The following APOB variants were observed in gnomAD, a reference collection of about 807,000 sequenced individuals.
APOB encodes the protein apolipoprotein B-100.
APOB carries 153 observed loss-of-function variants against 314.1 expected under a neutral mutation model. The ratio of observed to expected loss-of-function variants is 0.49; its 90% CI spans 0.43 to 0.56. APOB has a LOEUF of 0.56. Ranked by LOEUF, APOB falls within the 20% of genes least tolerant of loss-of-function variation. The pLI, the probability that APOB is intolerant of heterozygous loss-of-function variation, is 0.00. For missense variants in APOB, 5,430 were observed against 5,350.7 expected (o/e 1.01, Z -0.46); for synonymous variants, 2,087 against 2,036.4 (o/e 1.02, Z -0.67).
In APOB at chr2:21,006,921, G is replaced by C. The variant is rs1663160141; in HGVS notation, c.9947C>G (p.Ser3316Cys). 1 of 1,614,084 alleles carries C rather than the reference G, an allele frequency of 6.2e-7. No individual in the cohort carries two copies. Residue 3316 changes from serine to cysteine, a missense_variant, in exon 26 of 29, where the codon TCT becomes TGT. By Grantham distance (112) the Ser-to-Cys change is moderately radical. Coordinates refer to ENST00000233242, the MANE Select transcript of APOB (RefSeq NM_000384.3). ...VLHVPRNLKLSLPDFKELCTI... is the reference protein window; with the variant it reads ...VLHVPRNLKLCLPDFKELCTI... The stretch of plus-strand genomic sequence containing the variant: ...ACACAATTCCTTGAAATCTGGAAGA[G>C]AAAGCTTGAGATTTCTAGGGACATG...
At position 21,002,881 on chromosome 2, in the gene APOB, C is replaced by T. The variant is rs1042031; in HGVS notation, c.12541G>A (p.Glu4181Lys). The T allele has an allele frequency of 0.17, 271,570 of 1,612,886 alleles. 23,921 individuals are homozygous for T. Among genetic ancestry groups the T allele is most frequent in the Non-Finnish European group, 0.18 (212,961 of 1,179,568 alleles). The change falls in exon 29 of 29, where the codon GAA (glutamate) becomes AAA (lysine). Residue 4181 changes from glutamate to lysine, a missense_variant. Around this residue, in one of 3 missense-constraint regions of APOB, gnomAD observed 3,281 missense variants for 3,171.0 expected, o/e 1.03. Transcript: ENST00000233242. ...VFDGLVRVTQ[E>K]FHMKVKHLID... ...AGATGCTTGACTTTCATATGGAATT[C>T]TTGAGTAACTCGTACCAAGCCATCA...
In APOB at chr2:21,044,004, G is replaced by A; in HGVS notation, c.-59C>T. On this transcript the variant is annotated 5_prime_UTR_variant, in exon 1 of 29. Transcript: ENST00000233242. ...GCCTGGCCTCGGCCTCGCGGCCCTG[G>A]CTGGCTGGGCGGGCTCCTCAGCGGC... 1 of 929,682 alleles carries A rather than the reference G, an allele frequency of 1.1e-6. No homozygotes were observed. The highest frequency in any genetic ancestry group is 1.4e-6 in the Non-Finnish European group (1 of 719,260). 57.6% of individuals were successfully genotyped at this position (929,682 alleles called of 1,614,324 possible). A position where few individuals can be genotyped will look rare whatever the true frequency, so the allele number is the denominator to read the frequency against.
At chr2:21,023,771 T>G in intron 16 of APOB, 79 bp from the exon 17 acceptor site, 3 of 1,188,064 alleles carry the variant, frequency 2.5e-6, no homozygotes, top group Non-Finnish European at 3.5e-6. Flanking sequence ...TCCCATACAT[T>G]GGAGAGTAAT....
At chr2:21,042,839 G>T (rs1253215007) in intron 2 of APOB, among the ~76,000 whole-genome samples, 1 of 151,674 alleles carries the variant, frequency 6.6e-6, no homozygotes, top group East Asian at 1.9e-4. Context: ...GCTTGAACAC[G>T]CCGTAATTCC....
chr2:21,005,858 C>A lies in APOB; in HGVS notation c.11010G>T (p.Arg3670Ser), dbSNP rs148127628. Residue 3670 changes from arginine to serine, a missense_variant, in exon 26 of 29, where the codon AGG becomes AGT. Physicochemically the swap from Arg to Ser is moderately radical, Grantham distance 110. Transcript: ENST00000233242. The part of the protein sequence containing the change: ...DIAGSLEGHL[R>S]FLKNIILPVY... Reference sequence around the variant, plus strand: ...CTGGTAGGATGATATTTTTGAGGAACCTTAGGTGTCCTTCTAAGGATCCTG... The same window carrying A: ...CTGGTAGGATGATATTTTTGAGGAAACTTAGGTGTCCTTCTAAGGATCCTG... 81 of 1,613,828 alleles carry A rather than the reference C, an allele frequency of 5.0e-5. No individual in the cohort carries two copies. Among genetic ancestry groups the A allele is most frequent in the South Asian group, 4.4e-4 (40 of 91,082 alleles).
intron 3 of APOB, among the ~76,000 whole-genome samples, chr2:21,042,047 G>T (rs761481508): frequency 5.3e-5 from 8 of 152,162 alleles, no homozygotes; most frequent in African/African-American, 9.7e-5. Context: ...CACCTACTGG[G>T]CCTCTCTCAC....
intron 4 of APOB, 103 bp from the exon 5 acceptor site, chr2:21,038,214 C>T (rs1664052464): frequency 1.6e-6 from 2 of 1,250,512 alleles, no homozygotes; most frequent in African/African-American, 1.5e-5. Flanking sequence ...TTTTTTTAAC[C>T]AATTGTTCTT....
Position 21,009,682 on chromosome 2 carries a change from A to T in APOB, c.7186T>A (p.Phe2396Ile). The change falls in exon 26 of 29, where the codon TTT (phenylalanine) becomes ATT (isoleucine). Residue 2396 changes from phenylalanine to isoleucine, a missense_variant. Physicochemically the swap from Phe to Ile is conservative, Grantham distance 21. Around this residue, in one of 3 missense-constraint regions of APOB, gnomAD observed 3,281 missense variants for 3,171.0 expected, o/e 1.03. Transcript: ENST00000233242. Reference sequence around the variant, plus strand: ...AGCTTCTTGACAGCATCATCAATAAATCCAACCAATTTCTCAAAGTAATCT... The same window carrying T: ...AGCTTCTTGACAGCATCATCAATAATTCCAACCAATTTCTCAAAGTAATCT... ...IKDYFEKLVG[F>I]IDDAVKKLNE... 6.2e-7 allele frequency: 1 copy of T among 1,613,336 alleles called. No individual in the cohort carries two copies. The highest frequency in any genetic ancestry group is 8.5e-7 in the Non-Finnish European group (1 of 1,179,574).
Position 21,003,161 on chromosome 2 carries a change from C to A in APOB, c.12261G>T (p.Lys4087Asn), listed in dbSNP as rs760815617. ...ATGVLYDYVN[K>N]YHWEHTGLTL... ...TGAGCCCTGTGTGTTCCCAGTGGTA[C>A]TTGTTGACATAATCATAAAGGACCC... is the stretch of plus-strand genomic sequence containing the variant. The change falls in exon 29 of 29, where the codon AAG (lysine) becomes AAT (asparagine). Residue 4087 changes from lysine (K) to asparagine (N), a missense_variant. Transcript: ENST00000233242. 6.2e-7 allele frequency: 1 copy of A among 1,613,920 alleles called. No homozygotes were observed. Among genetic ancestry groups the A allele is most frequent in the East Asian group, 2.2e-5 (1 of 44,862 alleles).
At position 21,005,460 on chromosome 2, in the gene APOB, G is replaced by C. The variant is rs1190011070; in HGVS notation, c.11408C>G (p.Pro3803Arg). The change falls in exon 26 of 29, where the codon CCA becomes CGA. Residue 3803 changes from proline (P) to arginine (R), a missense_variant. Physicochemically the swap from Pro to Arg is moderately radical, Grantham distance 103 (BLOSUM62 -2). This residue lies in a region of APOB where 3,281 missense variants were observed against 3,171.0 expected (regional missense o/e 1.03). Coordinates refer to ENST00000233242, the MANE Select transcript of APOB (RefSeq NM_000384.3). ...EVDVLTKYSQ[P>R]EDSLIPFFEI... ...AAAAAAGGGAATCAAGGAGTCTTCT[G>C]GTTGAGAATATTTTGTTAACACATC... is the stretch of plus-strand genomic sequence containing the variant. 2 of 1,613,932 alleles carry C rather than the reference G, an allele frequency of 1.2e-6. No homozygotes were observed. The highest frequency in any genetic ancestry group is 2.7e-5 in the African/African-American group (2 of 74,888).
At chr2:21,035,763 A>AAGCATTT in intron 6 of APOB, 55 bp from the exon 7 acceptor site, 1 of 1,594,004 alleles carries the variant, frequency 6.3e-7, no homozygotes, top group South Asian at 1.1e-5. Flanking sequence ...CTTCTGTTAA[A>AAGCATTT]AGCATTTACC....
chr2:21,029,231 C>T lies in APOB; in HGVS notation c.1617+408G>A, dbSNP rs548067874. Among the ~76,000 whole-genome samples the T allele has an allele frequency of 3.9e-3, 594 of 152,326 alleles. 3 individuals are homozygous for T. Among genetic ancestry groups the T allele is most frequent in the Non-Finnish European group, 5.4e-3 (369 of 68,038 alleles). ...TTGCAAGGCTGAGGCAGGCGGATCA[C>T]CTGAGGTCAGGAGCTCAAGACCAGC... On this transcript the variant is annotated intron_variant, in intron 12 of 28. Transcript: ENST00000233242.
At chr2:21,034,624 C>T (rs1293541392) in intron 8 of APOB, among the ~76,000 whole-genome samples, 192 bp downstream of exon 8, 1 of 152,202 alleles carries the variant, frequency 6.6e-6, no homozygotes, top group Non-Finnish European at 1.5e-5. Flanking sequence ...GCTTTGGGAA[C>T]TTCTTTTCCT....
At chr2:21,042,565 A>G in intron 2 of APOB, 89 bp from the exon 3 acceptor site, 7 of 907,856 alleles carry the variant, frequency 7.7e-6, no homozygotes, top group Non-Finnish European at 1.3e-5. Context: ...AGTGGCATAG[A>G]GAATTAAAAA....
At position 21,008,982 on chromosome 2, in the gene APOB, A is replaced by G. The variant is rs776908968; in HGVS notation, c.7886T>C (p.Val2629Ala). ...TTTTAAGTCTTTGAAGTTTATCTGA[A>G]CTGATGGAATCCTCAAATCTGTTAG... ...VPLTDLRIPS[V>A]QINFKDLKNI... The change falls in exon 26 of 29, where the codon GTT (valine) becomes GCT (alanine). Residue 2629 changes from valine to alanine, a missense_variant. Val to Ala is a moderately conservative substitution (Grantham distance 64). Around this residue, in one of 3 missense-constraint regions of APOB, gnomAD observed 3,281 missense variants for 3,171.0 expected, o/e 1.03. Coordinates refer to ENST00000233242, the MANE Select transcript of APOB (RefSeq NM_000384.3). The G allele has an allele frequency of 3.1e-6, 5 of 1,613,888 alleles. No individual in the cohort carries two copies. Among genetic ancestry groups the G allele is most frequent in the Non-Finnish European group, 4.2e-6 (5 of 1,179,948 alleles).
rs1663278293 is a variant in APOB, at chr2:21,010,517, T to G, written c.6351A>C (p.Lys2117Asn). ...FVRKYRAALG[K>N]LPQQANDYLN... ...GATAATCATTAGCTTGCTGTGGGAG[T>G]TTTCCCAGGGCTGCTCTGTATTTTC... Residue 2117 changes from lysine (K) to asparagine (N), a missense_variant, in exon 26 of 29, where the codon AAA becomes AAC. This residue lies in a region of APOB where 3,281 missense variants were observed against 3,171.0 expected (regional missense o/e 1.03). Transcript: ENST00000233242. 6.2e-7 allele frequency: 1 copy of G among 1,608,378 alleles called. No individual in the cohort carries two copies. The highest frequency in any genetic ancestry group is 1.3e-5 in the African/African-American group (1 of 74,760).
intron 18 of APOB, 122 bp downstream of exon 18, chr2:21,022,709 C>T: frequency 2.3e-6 from 2 of 858,912 alleles, no homozygotes; most frequent in Non-Finnish European, 3.9e-6. Context: ...CCTTTCTACT[C>T]CTCTCCTGCT....
At chr2:21,024,253 A>G (rs1422429473) in intron 16 of APOB, 2 of 152,566 alleles carry the variant, frequency 1.3e-5, no homozygotes, top group Non-Finnish European at 2.9e-5. Flanking sequence ...TAAAAATTAT[A>G]GCATATTTAG....
At chr2:21,029,222 G>A (rs1663817442) in intron 12 of APOB, among the ~76,000 whole-genome samples, 3 of 152,232 alleles carry the variant, frequency 2.0e-5, no homozygotes, top group Non-Finnish European at 2.9e-5. Flanking sequence ...GGCTGAGGCA[G>A]GCGGATCACC....
Sources: allele counts gnomAD v4.1 joint callset (sites outside exome capture counted in the v4.1 genomes callset), GRCh38; gene constraint gnomAD v4.1.1; regional missense constraint gnomAD v4.1.1; transcripts MANE v1.5; gene names NCBI Gene and HGNC (gene_info 2026-07-23, HGNC 2026-07-21).